Variants in DENND4A observed in about 807,000 individuals in gnomAD.
DENND4A encodes the protein C-myc promoter-binding protein.
In DENND4A, 70 loss-of-function variants were observed where a neutral mutation model predicts 199.3. The ratio of observed to expected loss-of-function variants is 0.35; its 90% CI spans 0.29 to 0.43. The LOEUF is 0.43. Among genes scored for constraint, DENND4A ranks in the 20% least tolerant of loss-of-function variants. DENND4A has a pLI of 1.00. For missense variants in DENND4A, 1,723 were observed against 2,255.8 expected (o/e 0.76, Z 4.78); for synonymous variants, 686 against 766.9 (o/e 0.89, Z 1.74).
chr15:65,696,872 A>G, intron 21 of DENND4A: 1 of 326,888 alleles, frequency 3.1e-6, no homozygotes, highest in South Asian at 3.2e-5. Flanking sequence ...ACAAGGTTCA[A>G]GGGTGGCACA....
At chr15:65,677,187 G>A (rs900326295) in intron 23 of DENND4A, among the ~76,000 whole-genome samples, 33 of 152,136 alleles carry the variant, frequency 2.2e-4, no homozygotes, top group African/African-American at 8.0e-4. Context: ...TTATGTGTGT[G>A]CATATTGTTA....
At chr15:65,746,369 C>CTCTCTTTTTTT (rs2076392238) in intron 4 of DENND4A, among the ~76,000 whole-genome samples, 5 of 51,268 alleles carry the variant, frequency 9.8e-5, no homozygotes, top group African/African-American at 3.5e-4. Context: ...ACTTTTTTCT[C>CTCTCTTTTTTT]TTTTTTTTTT....
chr15:65,764,850 T>C (rs1256801011), intron 1 of DENND4A, among the ~76,000 whole-genome samples: 1 of 151,176 alleles, frequency 6.6e-6, no homozygotes, highest in Non-Finnish European at 1.5e-5. Context: ...GTGTGCACTA[T>C]AGTCCCAGCT....
intron 32 of DENND4A, 57 bp from the exon 33 acceptor site, chr15:65,662,044 A>G: frequency 1.4e-6 from 2 of 1,441,044 alleles, no homozygotes; most frequent in Non-Finnish European, 1.9e-6. Flanking sequence ...GATGTTGAAA[A>G]CTATCAAGTT....
chr15:65,718,511 A>C (rs2140282530), intron 12 of DENND4A, among the ~76,000 whole-genome samples: 1 of 152,252 alleles, frequency 6.6e-6, no homozygotes, highest in East Asian at 1.9e-4. Flanking sequence ...CTGAACAACC[A>C]TGTCATCTAT....
At chr15:65,675,137 G>GCCCTGAGCTAAGAGTGTCTTTTACATT (rs2076335320) in intron 24 of DENND4A, among the ~76,000 whole-genome samples, 1 of 152,038 alleles carries the variant, frequency 6.6e-6, no homozygotes, top group East Asian at 1.9e-4. Context: ...TAAATCAGAG[G>GCCCTGAGCTAAGAGTGTCTTTTACATT]TAAAATCCAT....
chr15:65,768,004 CACTT>C (rs2077028860), intron 1 of DENND4A, among the ~76,000 whole-genome samples: 1 of 152,114 alleles, frequency 6.6e-6, no homozygotes, highest in Non-Finnish European at 1.5e-5. Flanking sequence ...GCTCTTACCC[CACTT>C]CCTTCCAGAG....
At chr15:65,791,804 C>T (rs1372355303) in intron 1 of DENND4A, among the ~76,000 whole-genome samples, 1 of 152,120 alleles carries the variant, frequency 6.6e-6, no homozygotes, top group Non-Finnish European at 1.5e-5. Flanking sequence ...GGCGCGGGTG[C>T]TACTCTCAGC....
chr15:65,785,354 G>C (rs1484055450), intron 1 of DENND4A, among the ~76,000 whole-genome samples: 1 of 151,160 alleles, frequency 6.6e-6, no homozygotes, highest in Non-Finnish European at 1.5e-5. Context: ...GCCAGGAATG[G>C]TGACATGTGC....
intron 5 of DENND4A, 28 bp downstream of exon 5, chr15:65,741,687 G>T: frequency 6.3e-7 from 1 of 1,594,766 alleles, no homozygotes; most frequent in Non-Finnish European, 8.6e-7. Flanking sequence ...ATTTATATAT[G>T]AAGTATTGCA....
chr15:65,713,627 G>C (rs944117847), intron 14 of DENND4A, among the ~76,000 whole-genome samples: 1 of 152,060 alleles, frequency 6.6e-6, no homozygotes, highest in African/African-American at 2.4e-5. Context: ...TTACTCAATG[G>C]GCTAATCTGT....
Position 65,676,512 on chromosome 15 carries a change from A to C in DENND4A, c.4302T>G (p.Ser1434Arg). 6.2e-7 allele frequency: 1 copy of C among 1,613,794 alleles called. No homozygotes were observed. Among genetic ancestry groups the C allele is most frequent in the Non-Finnish European group, 8.5e-7 (1 of 1,179,802 alleles). Residue 1434 changes from serine to arginine, a missense_variant, in exon 24 of 33, where the codon AGT becomes AGG. Ser to Arg is a moderately radical substitution (Grantham distance 110). Around this residue, in one of 6 missense-constraint regions of DENND4A, gnomAD observed 650 missense variants for 738.1 expected, o/e 0.88. Coordinates refer to ENST00000443035, the MANE Select transcript of DENND4A (RefSeq NM_001320835.1). ...CAATTCTCTTAGTCCCTGAAGTAGC[A>C]CTGGTCTCTTGAGAGGAGATAGGTC... ...LEGPISSQET[S>R]ATSGTKRIDL...
At chr15:65,683,961 C>A (rs2142003670) in intron 23 of DENND4A, among the ~76,000 whole-genome samples, 1 of 152,290 alleles carries the variant, frequency 6.6e-6, no homozygotes, top group African/African-American at 2.4e-5. Context: ...CATTTCATAT[C>A]AATGGATTCA....
chr15:65,734,345 T>C (rs892723818), intron 7 of DENND4A, among the ~76,000 whole-genome samples: 33 of 152,230 alleles, frequency 2.2e-4, no homozygotes, highest in African/African-American at 7.7e-4. Flanking sequence ...TTGTCTGTGA[T>C]GCAAAGACCT....
intron 27 of DENND4A, 81 bp downstream of exon 27, chr15:65,669,698 G>C: frequency 8.1e-7 from 1 of 1,231,094 alleles, no homozygotes. Context: ...CCTGGAAATG[G>C]TCAACTAATT....
chr15:65,679,097 A>G lies in DENND4A; in HGVS notation c.4180-2463T>C, dbSNP rs1049945670. ...TCCTTCCCTTGATCCTGACTTTATG[A>G]TTTTATTATTATTTTGAGACAGAGT... On this transcript the variant is annotated intron_variant, in intron 23 of 32. Coordinates refer to ENST00000443035, the MANE Select transcript of DENND4A (RefSeq NM_001320835.1). Among the ~76,000 whole-genome samples, 12 of 150,212 alleles carry G rather than the reference A, an allele frequency of 8.0e-5. 1 individual carries two copies. Among genetic ancestry groups the G allele is most frequent in the Non-Finnish European group, 1.8e-4 (12 of 67,456 alleles).
In DENND4A at chr15:65,701,864, G is replaced by A; in HGVS notation, c.2457C>T (p.Leu819=). ...DEVCYRILMQ[L]CGQYDQPVLA... ...GCACTGGCTGATCATATTGTCCACAGAGTTGCATAAGAATGCGGTAGCATA... is the reference window on the plus strand; with the variant it reads ...GCACTGGCTGATCATATTGTCCACAAAGTTGCATAAGAATGCGGTAGCATA... The change falls in exon 18 of 33, where the codon CTC becomes CTT. Residue 819 remains leucine, a synonymous_variant. Transcript: ENST00000443035. The A allele has an allele frequency of 6.2e-7, 1 of 1,613,910 alleles. No homozygotes were observed. Among genetic ancestry groups the A allele is most frequent in the Non-Finnish European group, 8.5e-7 (1 of 1,179,838 alleles).
rs2075820695 is a variant in DENND4A at position 65,660,615 on chromosome 15, AT to A, written c.*1235del. On this transcript the variant is annotated 3_prime_UTR_variant, in exon 33 of 33. Transcript: ENST00000443035. Reference sequence around the variant, plus strand: ...TTAGAAATAATATGACTAAAAATATATTTTTAAAGCTATTTAATACTCATGA... The same window carrying A: ...TTAGAAATAATATGACTAAAAATATATTTTAAAGCTATTTAATACTCATGA... 3.7e-6 allele frequency: 1 copy of A among 270,186 alleles called. No individual in the cohort carries two copies. Among genetic ancestry groups the A allele is most frequent in the Non-Finnish European group, 6.9e-6 (1 of 144,532 alleles). The allele number at this position is 270,186 out of a possible 1,614,324, so 16.7% of individuals were successfully genotyped here. A position where few individuals can be genotyped will look rare whatever the true frequency, so the allele number is the denominator to read the frequency against.
At chr15:65,704,619 C>CT (rs2074988634) in intron 15 of DENND4A, among the ~76,000 whole-genome samples, 1 of 152,104 alleles carries the variant, frequency 6.6e-6, no homozygotes, top group Admixed American at 6.5e-5. Flanking sequence ...GAGATAGAGT[C>CT]TCGTTCTGTC....
Sources: allele counts gnomAD v4.1 joint callset (sites outside exome capture counted in the v4.1 genomes callset), GRCh38; gene constraint gnomAD v4.1.1; regional missense constraint gnomAD v4.1.1; transcripts MANE v1.5; gene names NCBI Gene and HGNC (gene_info 2026-07-23, HGNC 2026-07-21).